PWP1: variants seen among roughly 807,000 people sequenced by gnomAD.
PWP1 encodes the protein periodic tryptophan protein 1 homolog.
In PWP1, 47 loss-of-function variants were observed where a neutral mutation model predicts 69.9. That is an observed-to-expected ratio of 0.67 (90% CI 0.53 to 0.86). The LOEUF is 0.86. Among genes scored for constraint, PWP1 ranks in the 40% least tolerant of loss-of-function variants. PWP1 has a pLI of 0.00. For synonymous variants in PWP1, 222 were observed against 208.2 expected (o/e 1.07, Z -0.57); for missense variants, 551 against 608.8 (o/e 0.91, Z 1.00).
intron 1 of PWP1, among the ~76,000 whole-genome samples, chr12:107,686,944 C>T (rs539486444): frequency 1.2e-4 from 15 of 129,458 alleles, no homozygotes; most frequent in South Asian, 2.5e-4. Context: ...CCAGCCTGGG[C>T]GGGCAACAGA....
chr12:107,713,126 A>AAAAG lies in PWP1; in HGVS notation c.*908_*911dup, dbSNP rs1424406887. 1 of 152,208 alleles carries AAAAG rather than the reference A, an allele frequency of 6.6e-6. No individual in the cohort carries two copies. Among genetic ancestry groups the AAAAG allele is most frequent in the Non-Finnish European group, 1.5e-5 (1 of 68,052 alleles). 9.4% of individuals were successfully genotyped at this position (152,208 alleles called of 1,614,324 possible). A position where few individuals can be genotyped will look rare whatever the true frequency, so the allele number is the denominator to read the frequency against. Reference sequence around the variant, plus strand: ...GGTTCACCAAAACACCTTTTTATACAAAAGACAGATGTGTGAATTAAAGAG... The same window carrying AAAAG: ...GGTTCACCAAAACACCTTTTTATACAAAAGAAAGACAGATGTGTGAATTAAAGAG... On this transcript the variant is annotated 3_prime_UTR_variant, in exon 15 of 15. Transcript: ENST00000412830.
Position 107,703,805 on chromosome 12 carries a change from A to C in PWP1, c.965+59A>C, listed in dbSNP as rs565471262. The C allele has an allele frequency of 2.7e-6, 4 of 1,484,480 alleles. No individual in the cohort carries two copies. In the East Asian group the frequency reaches 9.1e-5, roughly 34 times the overall value. 92.0% of individuals were successfully genotyped at this position (1,484,480 alleles called of 1,614,324 possible). ...GTTTTTATCCTCTAGAAGTCATTTTAAGAGTATCACTTGGTACCCAGGCAG... is the reference window on the plus strand; with the variant it reads ...GTTTTTATCCTCTAGAAGTCATTTTCAGAGTATCACTTGGTACCCAGGCAG... On this transcript the variant is annotated intron_variant, in intron 10 of 14. Coordinates refer to ENST00000412830, the MANE Select transcript of PWP1 (RefSeq NM_007062.3).
intron 11 of PWP1, among the ~76,000 whole-genome samples, chr12:107,707,351 A>G (rs1055403225): frequency 2.6e-5 from 4 of 152,252 alleles, no homozygotes; most frequent in African/African-American, 4.8e-5. Flanking sequence ...AACAGGGACA[A>G]TTTGACTTCC....
In PWP1 at chr12:107,712,366, C is replaced by G; in HGVS notation, c.*146C>G. The G allele has an allele frequency of 1.7e-6, 1 of 584,364 alleles. No individual in the cohort carries two copies. Among genetic ancestry groups the G allele is most frequent in the Non-Finnish European group, 3.0e-6 (1 of 328,012 alleles). The allele number at this position is 584,364 out of a possible 1,614,324, so 36.2% of individuals were successfully genotyped here. A position where few individuals can be genotyped will look rare whatever the true frequency, so the allele number is the denominator to read the frequency against. On this transcript the variant is annotated 3_prime_UTR_variant, in exon 15 of 15. Transcript: ENST00000412830. ...ATTCCTTTCTGCAACTGCGGTGGCA[C>G]CACAAATATCCGGTCTTTGTGCTTG... is the stretch of plus-strand genomic sequence containing the variant.
intron 13 of PWP1, among the ~76,000 whole-genome samples, chr12:107,709,510 CTTT>C (rs751083294): frequency 7.6e-6 from 1 of 131,374 alleles, no homozygotes; most frequent in African/African-American, 2.7e-5. Context: ...GAAATGGCTG[CTTT>C]TTTTTTTTTT....
At chr12:107,708,029 G>A (rs546229006) in intron 11 of PWP1, among the ~76,000 whole-genome samples, 21 of 152,234 alleles carry the variant, frequency 1.4e-4, no homozygotes, top group African/African-American at 4.8e-4. Flanking sequence ...AATTCTGCAC[G>A]ATTAGTAGAG....
chr12:107,710,764 G>C (rs1889935536), intron 14 of PWP1, among the ~76,000 whole-genome samples: 1 of 152,164 alleles, frequency 6.6e-6, no homozygotes, highest in African/African-American at 2.4e-5. Context: ...TTTTGGCTAA[G>C]ACCAAGTGCA....
intron 13 of PWP1, among the ~76,000 whole-genome samples, chr12:107,710,155 G>A (rs1311207562): frequency 1.3e-5 from 2 of 152,156 alleles, no homozygotes; most frequent in African/African-American, 4.8e-5. Context: ...AAGATGAGTG[G>A]CCTGAGTGGT....
At chr12:107,706,867 T>C (rs1889834632) in intron 11 of PWP1, among the ~76,000 whole-genome samples, 1 of 152,236 alleles carries the variant, frequency 6.6e-6, no homozygotes, top group Admixed American at 6.5e-5. Flanking sequence ...GGCTTAGGAT[T>C]GTCTTGGCAA....
At chr12:107,705,840 T>C (rs1437198112) in intron 11 of PWP1, among the ~76,000 whole-genome samples, 2 of 151,250 alleles carry the variant, frequency 1.3e-5, no homozygotes, top group Non-Finnish European at 3.0e-5. Context: ...GCACTATATG[T>C]ATGTGCACAT....
chr12:107,699,486 C>A, intron 8 of PWP1, 52 bp downstream of exon 8: 1 of 1,405,256 alleles, frequency 7.1e-7, no homozygotes. Flanking sequence ...CCATTGTGAT[C>A]TTACCTCATG....
At chr12:107,701,551 G>A (rs899862516) in intron 8 of PWP1, among the ~76,000 whole-genome samples, 1 of 152,072 alleles carries the variant, frequency 6.6e-6, no homozygotes, top group African/African-American at 2.4e-5. Flanking sequence ...GTTTTCTTCT[G>A]AGTTTTATAG....
intron 1 of PWP1, 24 bp from the exon 2 acceptor site, chr12:107,688,424 A>G (rs1178365945): frequency 1.9e-6 from 3 of 1,590,694 alleles, no homozygotes; most frequent in Non-Finnish European, 2.6e-6. Flanking sequence ...CACATATTGT[A>G]ATGAAATCTT....
At chr12:107,693,801 AT>A (rs200093965) in intron 5 of PWP1, among the ~76,000 whole-genome samples, 1 of 151,400 alleles carries the variant, frequency 6.6e-6, no homozygotes, top group South Asian at 2.1e-4. Context: ...TTTTTACTCA[AT>A]TTTTTTTTCT....
At chr12:107,686,037 G>C (rs192464213) in intron 1 of PWP1, 66 bp downstream of exon 1, 12 of 1,552,176 alleles carry the variant, frequency 7.7e-6, no homozygotes, top group African/African-American at 4.1e-5. Flanking sequence ...CCGCCCAGCT[G>C]GGGGAACGTG....
intron 8 of PWP1, among the ~76,000 whole-genome samples, chr12:107,702,567 C>A (rs1889734757): frequency 6.6e-6 from 1 of 152,076 alleles, no homozygotes; most frequent in African/African-American, 2.4e-5. Context: ...GTGTGAGCCA[C>A]TGTGCCTGGC....
At chr12:107,695,038 G>C (rs186668215) in intron 5 of PWP1, among the ~76,000 whole-genome samples, 1 of 151,114 alleles carries the variant, frequency 6.6e-6, no homozygotes, top group South Asian at 2.1e-4. Flanking sequence ...GGCGGATCAC[G>C]AGTTCAGGAG....
At chr12:107,697,445 C>CA (rs1476772516) in intron 6 of PWP1, 22 bp from the exon 7 acceptor site, 1 of 1,558,564 alleles carries the variant, frequency 6.4e-7, no homozygotes, top group Non-Finnish European at 8.6e-7. Context: ...TGTAATCATA[C>CA]ATGCATTGTT....
chr12:107,708,018 C>G (rs1273455968), intron 11 of PWP1, among the ~76,000 whole-genome samples: 1 of 152,158 alleles, frequency 6.6e-6, no homozygotes, highest in Non-Finnish European at 1.5e-5. Context: ...TACTTAATCT[C>G]AATTCTGCAC....
Sources: allele counts gnomAD v4.1 joint callset (sites outside exome capture counted in the v4.1 genomes callset), GRCh38; gene constraint gnomAD v4.1.1; transcripts MANE v1.5; gene names NCBI Gene and HGNC (gene_info 2026-07-23, HGNC 2026-07-21).